Variants in SHC1 observed in about 807,000 individuals in gnomAD.
The protein encoded by SHC1 is SHC-transforming protein 1.
Under a neutral mutation model 55.9 loss-of-function variants are expected in SHC1, and 30 were observed. The observed-to-expected ratio is 0.54, with a 90% CI of 0.40 to 0.73. SHC1 has a LOEUF of 0.73. Among genes scored for constraint, SHC1 ranks in the 30% least tolerant of loss-of-function variants. The pLI, the probability that SHC1 is intolerant of heterozygous loss-of-function variation, is 0.00. For synonymous variants in SHC1, 309 were observed against 306.1 expected (o/e 1.01, Z -0.10); for missense variants, 675 against 777.1 (o/e 0.87, Z 1.56).
chr1:154,966,273 A>C (rs1249035916), intron 8 of SHC1, 42 bp from the exon 9 acceptor site: 1 of 1,611,726 alleles, frequency 6.2e-7, no homozygotes, highest in Non-Finnish European at 8.5e-7. Flanking sequence ...GCCCTAACCA[A>C]CCACTCCCAC....
chr1:154,971,008 G>A (rs1049363155), upstream of SHC1, among the ~76,000 whole-genome samples: 2 of 152,142 alleles, frequency 1.3e-5, no homozygotes, highest in Non-Finnish European at 2.9e-5. Context: ...CGGAAAGGAA[G>A]GAGATAGGAG....
At position 154,969,383 on chromosome 1, in the gene SHC1, G is replaced by A. The variant is rs1392995350; in HGVS notation, c.561C>T (p.Val187=). 1 of 1,608,614 alleles carries A rather than the reference G, an allele frequency of 6.2e-7. No homozygotes were observed. Among genetic ancestry groups the A allele is most frequent in the Admixed American group, 1.7e-5 (1 of 59,784 alleles). ...TCCACTCCCTCCCCACTAACCTGGT[G>A]ACCTGAGTCCGGGTGTTGAAGTCCA... is the stretch of plus-strand genomic sequence containing the variant. ...RALDFNTRTQ[V]TREAISLVCE... is the part of the protein sequence containing the mutation. Residue 187 remains valine, a synonymous_variant, in exon 2 of 12, where the codon GTC becomes GTT. Coordinates refer to ENST00000448116, the MANE Select transcript of SHC1 (RefSeq NM_001130040.2).
In SHC1 at chr1:154,963,939, G is replaced by C; in HGVS notation, c.1627-8C>G. On this transcript the variant is annotated splice_polypyrimidine_tract_variant and splice_region_variant and intron_variant, in intron 11 of 11. Transcript: ENST00000448116. ...GTGATCCTTAGTCCGAACCTGGGAG[G>C]GTGGGAAGGAAGAAGGTCAATTCAG... is the stretch of plus-strand genomic sequence containing the variant. The C allele has an allele frequency of 6.2e-7, 1 of 1,613,918 alleles. No homozygotes were observed. Among genetic ancestry groups the C allele is most frequent in the South Asian group, 1.1e-5 (1 of 91,060 alleles).
upstream of SHC1, among the ~76,000 whole-genome samples, chr1:154,972,763 G>A (rs775625037): frequency 2.4e-4 from 37 of 152,168 alleles, no homozygotes; most frequent in Non-Finnish European, 4.3e-4. Flanking sequence ...GGGAGGAGGG[G>A]ACAGGGGCGG....
At chr1:154,973,895 A>T (rs1656996450), upstream of SHC1, among the ~76,000 whole-genome samples, 1 of 152,164 alleles carries the variant, frequency 6.6e-6, no homozygotes, top group Admixed American at 6.5e-5. Flanking sequence ...TTTGAAGAGC[A>T]GGGTTTTGCC....
At chr1:154,969,883 C>T (rs1425919258) in intron 1 of SHC1, 149 bp downstream of exon 1, 28 of 892,670 alleles carry the variant, frequency 3.1e-5, no homozygotes, top group Non-Finnish European at 4.8e-5. Flanking sequence ...GCTACAGAAT[C>T]GGGGAAGGGA....
At chr1:154,967,893 T>A (rs1441295085) in intron 6 of SHC1, 87 bp downstream of exon 6, 3 of 1,600,806 alleles carry the variant, frequency 1.9e-6, no homozygotes, top group Non-Finnish European at 2.6e-6. Flanking sequence ...CCCACTGAGA[T>A]CTACTTAGAG....
At chr1:154,973,123 G>T (rs1656900710), upstream of SHC1, among the ~76,000 whole-genome samples, 1 of 152,126 alleles carries the variant, frequency 6.6e-6, no homozygotes, top group South Asian at 2.1e-4. Context: ...AGGAAGTGAG[G>T]CTGGGAGTCT....
intron 2 of SHC1, 63 bp from the exon 3 acceptor site, chr1:154,968,897 G>A: frequency 6.8e-7 from 1 of 1,468,920 alleles, no homozygotes; most frequent in South Asian, 1.1e-5. Flanking sequence ...AACTGGGGCT[G>A]CCACAGGGCT....
upstream of SHC1, among the ~76,000 whole-genome samples, chr1:154,972,392 C>T (rs146435676): frequency 5.8e-4 from 89 of 152,288 alleles, no homozygotes; most frequent in Middle Eastern, 3.4e-3. Context: ...ACTCTTACAT[C>T]TCCCCTTAGT....
rs1286037095 is a variant in SHC1 at position 154,968,886 on chromosome 1, C to T, written c.567-52G>A. On this transcript the variant is annotated intron_variant, in intron 2 of 11. Coordinates refer to ENST00000448116, the MANE Select transcript of SHC1 (RefSeq NM_001130040.2). ...AGCGCCTGCCTGCCTGCCTCCCACT[C>T]AACTGGGGCTGCCACAGGGCTGGGG... 19 of 1,531,890 alleles carry T rather than the reference C, an allele frequency of 1.2e-5. No homozygotes were observed. In the East Asian group the frequency reaches 4.0e-4, roughly 33 times the overall value. 94.9% of individuals were successfully genotyped at this position (1,531,890 alleles called of 1,614,324 possible). A position where few individuals can be genotyped will look rare whatever the true frequency, so the allele number is the denominator to read the frequency against.
In SHC1 at chr1:154,965,759, G is replaced by T. The variant is rs1131397; in HGVS notation, c.1410C>A (p.Arg470=). Residue 470 remains arginine, a synonymous_variant, in exon 11 of 12, where the codon CGC becomes CGA. Coordinates refer to ENST00000448116, the MANE Select transcript of SHC1 (RefSeq NM_001130040.2). ...ACACCGACTGGGGAGGTGGAGGCAC[G>T]CGAAGAGCATCTTCGAAGGGCTCTG... ...FDMKPFEDAL[R]VPPPPQSVSM... is the part of the protein sequence containing the mutation. 1 of 1,613,288 alleles carries T rather than the reference G, an allele frequency of 6.2e-7. No individual in the cohort carries two copies.
upstream of SHC1, among the ~76,000 whole-genome samples, chr1:154,971,865 C>A (rs1373021791): frequency 2.6e-5 from 4 of 152,056 alleles, no homozygotes. Context: ...AGTCCCAAAC[C>A]CATTCCTGCC....
intron 11 of SHC1, 176 bp downstream of exon 11, chr1:154,965,367 G>T (rs1168672619): frequency 1.3e-6 from 2 of 1,592,538 alleles, no homozygotes; most frequent in Non-Finnish European, 1.7e-6. Context: ...ACATAGTTCA[G>T]GCTAAGGGAT....
In SHC1 at chr1:154,963,756, G is replaced by T; in HGVS notation, c.*47C>A. The T allele has an allele frequency of 6.2e-7, 1 of 1,605,810 alleles. No individual in the cohort carries two copies. The highest frequency in any genetic ancestry group is 8.5e-7 in the Non-Finnish European group (1 of 1,174,570). ...GAGGTCCCGAGAGTTAGGGAATAGGGTGGAAAGGATTGGAGGGCATCTTCT... is the reference window on the plus strand; with the variant it reads ...GAGGTCCCGAGAGTTAGGGAATAGGTTGGAAAGGATTGGAGGGCATCTTCT... On this transcript the variant is annotated 3_prime_UTR_variant, in exon 12 of 12. Transcript: ENST00000448116.
Position 154,965,927 on chromosome 1 carries a change from G to T in SHC1, c.1387+19C>A. 1 of 1,601,870 alleles carries T rather than the reference G, an allele frequency of 6.2e-7. No individual in the cohort carries two copies. Among genetic ancestry groups the T allele is most frequent in the South Asian group, 1.1e-5 (1 of 89,970 alleles). On this transcript the variant is annotated intron_variant, in intron 10 of 11. Transcript: ENST00000448116. The stretch of plus-strand genomic sequence containing the variant: ...AGTAGAAAGGTGGGGATGCAGAGAG[G>T]AGAGAGACGAGCACTCACTCATGTC...
upstream of SHC1, chr1:154,974,361 A>C: frequency 3.2e-6 from 1 of 312,892 alleles, no homozygotes; most frequent in Non-Finnish European, 6.1e-6. Context: ...CTCCCTGGAG[A>C]AACTTTATTA....
chr1:154,974,354 C>A, upstream of SHC1: 1 of 308,938 alleles, frequency 3.2e-6, no homozygotes, highest in South Asian at 3.3e-5. Context: ...GCCCTGCCTC[C>A]CTGGAGAAAC....
rs200119834 is a variant in SHC1 at position 154,963,841 on chromosome 1, C to T, written c.1717G>A (p.Glu573Lys). 16 of 1,614,116 alleles carry T rather than the reference C, an allele frequency of 9.9e-6. No individual in the cohort carries two copies. Among genetic ancestry groups the T allele is most frequent in the Non-Finnish European group, 1.4e-5 (16 of 1,180,010 alleles). The change falls in exon 12 of 12, where the codon GAA becomes AAA. Residue 573 changes from glutamate (E) to lysine (K), a missense_variant. Transcript: ENST00000448116. ...TCCACAGGTTGCTGTAGACACAGTT[C>T]GCTGCCCGCAGAGATGATGGGCAAG... Reference protein sequence around the residue: ...NHLPIISAGSELCLQQPVERK... With the variant: ...NHLPIISAGSKLCLQQPVERK...
Sources: allele counts gnomAD v4.1 joint callset (sites outside exome capture counted in the v4.1 genomes callset), GRCh38; gene constraint gnomAD v4.1.1; transcripts MANE v1.5; gene names NCBI Gene and HGNC (gene_info 2026-07-23, HGNC 2026-07-21).